The following SRC variants were observed in gnomAD, a reference collection of about 807,000 sequenced individuals.
SRC encodes the protein proto-oncogene tyrosine-protein kinase Src.
SRC carries 13 observed loss-of-function variants against 62.9 expected under a neutral mutation model. That is an observed-to-expected ratio of 0.21 (90% CI 0.13 to 0.33). The LOEUF (loss-of-function observed/expected upper bound fraction) is 0.33. Ranked by LOEUF, SRC falls within the 10% of genes least tolerant of loss-of-function variation. The pLI is 1.00. For missense variants in SRC, 457 were observed against 737.3 expected, an observed-to-expected ratio of 0.62 and a Z score of 4.40; for synonymous variants, 302 against 317.5, an observed-to-expected ratio of 0.95 and a Z score of 0.52.
At chr20:37,372,459 T>C (rs1206874290) in intron 2 of SRC, among the ~76,000 whole-genome samples, 1 of 152,194 alleles carries the variant, frequency 6.6e-6, no homozygotes, top group Non-Finnish European at 1.5e-5. Flanking sequence ...GAGGAGCGTG[T>C]TGTTTAGTTT....
chr20:37,364,505 C>T (rs2070031508), intron 1 of SRC, among the ~76,000 whole-genome samples: 2 of 152,246 alleles, frequency 1.3e-5, no homozygotes, highest in Middle Eastern at 3.4e-3. Flanking sequence ...GAGGGCGTGG[C>T]AGGAGGACCC....
At chr20:37,363,868 C>T (rs2070018767) in intron 1 of SRC, among the ~76,000 whole-genome samples, 1 of 152,160 alleles carries the variant, frequency 6.6e-6, no homozygotes. Context: ...TTTAACCTGT[C>T]TGTGCTTCAG....
chr20:37,373,649 G>A (rs1947662325), intron 2 of SRC, among the ~76,000 whole-genome samples: 1 of 152,162 alleles, frequency 6.6e-6, no homozygotes, highest in Non-Finnish European at 1.5e-5. Flanking sequence ...GTATTTTGTG[G>A]TTTAAATCTG....
intron 2 of SRC, among the ~76,000 whole-genome samples, chr20:37,374,285 G>A (rs2070242830): frequency 6.6e-6 from 1 of 151,862 alleles, no homozygotes; most frequent in Non-Finnish European, 1.5e-5. Flanking sequence ...TCACCATATT[G>A]GCCAGGCTGG....
At chr20:37,386,238 C>T in intron 5 of SRC, 64 bp downstream of exon 5, 3 of 1,463,662 alleles carry the variant, frequency 2.0e-6, no homozygotes, top group South Asian at 2.3e-5. Context: ...CGGGCAGGGG[C>T]TCATGCAGGA....
intron 1 of SRC, among the ~76,000 whole-genome samples, chr20:37,359,588 C>T (rs1018594728): frequency 1.3e-5 from 2 of 152,034 alleles, no homozygotes; most frequent in Admixed American, 1.3e-4. Flanking sequence ...GACCCCGAGG[C>T]AGGGGAGAGC....
intron 5 of SRC, 156 bp from the exon 6 acceptor site, chr20:37,393,739 C>T: frequency 1.7e-6 from 1 of 593,744 alleles, no homozygotes; most frequent in Non-Finnish European, 3.0e-6. Flanking sequence ...GCCAGCTGGA[C>T]CTGGCATGCT....
At chr20:37,374,718 G>T (rs2070250876) in intron 2 of SRC, among the ~76,000 whole-genome samples, 1 of 151,734 alleles carries the variant, frequency 6.6e-6, no homozygotes, top group Non-Finnish European at 1.5e-5. Context: ...TGGATTACAG[G>T]CATGTGCCAC....
At chr20:37,376,334 A>T (rs1486663573) in intron 2 of SRC, among the ~76,000 whole-genome samples, 1 of 152,222 alleles carries the variant, frequency 6.6e-6, no homozygotes, top group Non-Finnish European at 1.5e-5. Context: ...TTAGATATTG[A>T]GCACTTTCTA....
intron 2 of SRC, among the ~76,000 whole-genome samples, chr20:37,380,680 G>A (rs2070352310): frequency 6.6e-6 from 1 of 152,142 alleles, no homozygotes; most frequent in African/African-American, 2.4e-5. Flanking sequence ...CCTGGTCTCT[G>A]GGGGCATGGA....
At chr20:37,345,099 G>C (rs2069699290), upstream of SRC, among the ~76,000 whole-genome samples, 1 of 152,174 alleles carries the variant, frequency 6.6e-6, no homozygotes, top group South Asian at 2.1e-4. Flanking sequence ...GGGAATAGAA[G>C]CCTGACCTGT....
chr20:37,369,721 G>A (rs1007411793), intron 2 of SRC, among the ~76,000 whole-genome samples: 5 of 151,982 alleles, frequency 3.3e-5, no homozygotes, highest in South Asian at 4.2e-4. Flanking sequence ...CTGATCTTGG[G>A]GGGATGGCAC....
intron 2 of SRC, among the ~76,000 whole-genome samples, chr20:37,373,428 T>TATATACAC (rs1361074271): frequency 6.6e-5 from 10 of 150,950 alleles, no homozygotes; most frequent in African/African-American, 2.5e-4. Flanking sequence ...CATATATGCG[T>TATATACAC]GTATATACGC....
chr20:37,368,539 T>TTTTG (rs2070108104), intron 2 of SRC, among the ~76,000 whole-genome samples: 7 of 126,098 alleles, frequency 5.6e-5, no homozygotes, highest in Non-Finnish European at 8.2e-5. Context: ...TTTTTTTTTT[T>TTTTG]TTTTGTTTTT....
rs376191565 is a variant in SRC at position 37,397,901 on chromosome 20, C to G, written c.859+47C>G. 3.8e-6 allele frequency: 6 copies of G among 1,566,328 alleles called. No homozygotes were observed. The highest frequency in any genetic ancestry group is 1.4e-5 in the African/African-American group (1 of 73,778). ...CGGGAGAGGCATCCACCCCCCACCC[C>G]GTGTGGCAGCTCCGGGCTCCCTTGG... is the stretch of plus-strand genomic sequence containing the variant. On this transcript the variant is annotated intron_variant, in intron 9 of 13. Coordinates refer to ENST00000373578, the MANE Select transcript of SRC (RefSeq NM_198291.3). This position sits in a 1 kb window ranked among gnomAD's most constrained non-coding sequence, Gnocchi z 4.1.
intron 2 of SRC, among the ~76,000 whole-genome samples, chr20:37,373,808 C>T (rs1383397172): frequency 6.6e-6 from 1 of 152,104 alleles, no homozygotes; most frequent in Non-Finnish European, 1.5e-5. Context: ...AGTAAATTCC[C>T]ATATGTTTCA....
intron 6 of SRC, 38 bp from the exon 7 acceptor site, chr20:37,394,136 T>A (rs6018257): frequency 6.3e-7 from 1 of 1,594,788 alleles, no homozygotes; most frequent in South Asian, 1.1e-5. Context: ...GGCAGAAGCC[T>A]GGACAGTCAG....
Position 37,403,014 on chromosome 20 carries a change from T to C in SRC, c.1402+134T>C. On this transcript the variant is annotated intron_variant, in intron 13 of 13. Coordinates refer to ENST00000373578, the MANE Select transcript of SRC (RefSeq NM_198291.3). The surrounding 1 kb of genome is among the most constrained non-coding windows in gnomAD (Gnocchi z 7.1). ...AAGTTGAGCGTCTGATGTTAGGCTCTCTCGATGGTCCATGCTCTCAGCTTC... is the reference window on the plus strand; with the variant it reads ...AAGTTGAGCGTCTGATGTTAGGCTCCCTCGATGGTCCATGCTCTCAGCTTC... 7.4e-7 allele frequency: 1 copy of C among 1,342,950 alleles called. No individual in the cohort carries two copies. The highest frequency in any genetic ancestry group is 1.0e-6 in the Non-Finnish European group (1 of 1,002,568). 83.2% of individuals were successfully genotyped at this position (1,342,950 alleles called of 1,614,324 possible). A position where few individuals can be genotyped will look rare whatever the true frequency, so the allele number is the denominator to read the frequency against.
intron 7 of SRC, 74 bp downstream of exon 7, chr20:37,394,351 C>A: frequency 7.2e-7 from 1 of 1,398,354 alleles, no homozygotes; most frequent in Non-Finnish European, 1.0e-6. Context: ...GTGGAATGAG[C>A]AGGAGTTTGG....
Sources: allele counts gnomAD v4.1 joint callset (sites outside exome capture counted in the v4.1 genomes callset), GRCh38; gene constraint gnomAD v4.1.1; non-coding constraint Gnocchi (gnomAD v3.1); transcripts MANE v1.5; gene names NCBI Gene and HGNC (gene_info 2026-07-23, HGNC 2026-07-21).